The following GREB1 variants were observed in gnomAD, a reference collection of about 807,000 sequenced individuals.
GREB1 encodes the protein growth regulating estrogen receptor binding 1, also known as protein GREB1.
A neutral mutation model predicts 200.7 loss-of-function variants in GREB1; 106 were observed. The ratio of observed to expected loss-of-function variants is 0.53; its 90% confidence interval spans 0.45 to 0.62. GREB1 has a LOEUF of 0.62. GREB1 is among the 20% of genes least tolerant of loss of function. GREB1 has a pLI of 0.00. For synonymous variants in GREB1, 1,132 were observed against 1,092.4 expected (o/e 1.04, Z -0.72); for missense variants, 2,243 against 2,556.8 (o/e 0.88, Z 2.65).
chr2:11,519,524 C>T (rs1445780335), intron 1 of GREB1, among the ~76,000 whole-genome samples: 2 of 132,530 alleles, frequency 1.5e-5, no homozygotes, highest in East Asian at 2.4e-4. Context: ...GGCACGATCT[C>T]GGCTCACTGC....
At position 11,632,125 on chromosome 2, in the gene GREB1, T is replaced by C; in HGVS notation, c.4816+12T>C. 6.3e-7 allele frequency: 1 copy of C among 1,588,458 alleles called. No individual in the cohort carries two copies. The highest frequency in any genetic ancestry group is 8.6e-7 in the Non-Finnish European group (1 of 1,156,742). ...CAGTGCTGGAGTTGGTGAGTGTCCTTTAACATCATCTACTCAGTCAAACTC... is the reference window on the plus strand; with the variant it reads ...CAGTGCTGGAGTTGGTGAGTGTCCTCTAACATCATCTACTCAGTCAAACTC... On this transcript the variant is annotated intron_variant, in intron 27 of 32. Transcript: ENST00000381486.
intron 1 of GREB1, among the ~76,000 whole-genome samples, chr2:11,482,910 G>GGCGGCGGGCGCTCAGGAGCGGGGCC (rs1558475615): frequency 1.3e-5 from 2 of 151,376 alleles, no homozygotes; most frequent in Non-Finnish European, 1.5e-5. Flanking sequence ...AGCCTCCGTC[G>GGCGGCGGGCGCTCAGGAGCGGGGCC]GCGGCGGGCG....
chr2:11,630,747 T>G (rs770139726), intron 26 of GREB1, among the ~76,000 whole-genome samples: 3 of 152,224 alleles, frequency 2.0e-5, no homozygotes, highest in Non-Finnish European at 2.9e-5. Flanking sequence ...TTCCTTTATC[T>G]TTTGAAGAGG....
At chr2:11,528,521 C>T (rs1572596005) in intron 1 of GREB1, among the ~76,000 whole-genome samples, 1 of 152,014 alleles carries the variant, frequency 6.6e-6, no homozygotes, top group African/African-American at 2.4e-5. Flanking sequence ...GATTGAGTCT[C>T]GCTATGTAGC....
intron 1 of GREB1, among the ~76,000 whole-genome samples, chr2:11,500,773 G>A (rs985564739): frequency 6.6e-6 from 1 of 152,200 alleles, no homozygotes. Flanking sequence ...GTTTTCATAA[G>A]CAAATAATGG....
intron 20 of GREB1, among the ~76,000 whole-genome samples, chr2:11,615,809 T>C (rs1348565043): frequency 6.6e-6 from 1 of 152,260 alleles, no homozygotes; most frequent in African/African-American, 2.4e-5. Flanking sequence ...TCGCAAGGCA[T>C]TGACTATAGT....
rs776878701 is a variant in GREB1, at chr2:11,618,826, G to A, written c.3951G>A (p.Val1317=). The change falls in exon 22 of 33, where the codon GTG becomes GTA. Residue 1317 remains valine, a synonymous_variant. Transcript: ENST00000381486. The part of the protein sequence containing the change: ...EQSLYYRQWT[V]PRPSHMDYGN... The stretch of plus-strand genomic sequence containing the variant: ...CCCTCTACTACCGGCAGTGGACGGT[G>A]CCCCGGCCCAGCCACATGGACTACG... 2 of 1,604,768 alleles carry A rather than the reference G, an allele frequency of 1.2e-6. No homozygotes were observed. Among genetic ancestry groups the A allele is most frequent in the Non-Finnish European group, 1.7e-6 (2 of 1,179,164 alleles).
In GREB1 at chr2:11,633,998, G is replaced by C. The variant is rs1351888671; in HGVS notation, c.4992-133G>C. 6 of 806,088 alleles carry C rather than the reference G, an allele frequency of 7.4e-6. No individual in the cohort carries two copies. The highest frequency in any genetic ancestry group is 1.3e-5 in the Non-Finnish European group (6 of 475,016). The allele number at this position is 806,088 out of a possible 1,614,324, so 49.9% of individuals were successfully genotyped here. On this transcript the variant is annotated intron_variant, in intron 28 of 32. Transcript: ENST00000381486. This position sits in a 1 kb window ranked among gnomAD's most constrained non-coding sequence, Gnocchi z 4.1. ...CGCCCAGCAGGGTGCCTGGCCCTGG[G>C]GGGACTGTGCGGGGCACCGGCCCGT...
chr2:11,503,983 T>C (rs1405780264), intron 1 of GREB1, among the ~76,000 whole-genome samples: 1 of 152,200 alleles, frequency 6.6e-6, no homozygotes, highest in Non-Finnish European at 1.5e-5. Context: ...GTTTAAGTTA[T>C]AAATTAGGCT....
At chr2:11,612,000 C>A (rs540411279) in intron 18 of GREB1, among the ~76,000 whole-genome samples, 1 of 152,130 alleles carries the variant, frequency 6.6e-6, no homozygotes, top group South Asian at 2.1e-4. Flanking sequence ...TCGAGATAAG[C>A]CTGGCCAGCA....
At chr2:11,539,718 A>T (rs1674581865) in intron 1 of GREB1, 1 of 152,116 alleles carries the variant, frequency 6.6e-6, no homozygotes, top group Admixed American at 6.5e-5. Context: ...CTAAGAAGAC[A>T]CGAAACGGTG....
In GREB1 at chr2:11,598,865, G is replaced by C. The variant is rs1572872329; in HGVS notation, c.2333+5G>C. 1.2e-6 allele frequency: 2 copies of C among 1,610,384 alleles called. No homozygotes were observed. Among genetic ancestry groups the C allele is most frequent in the South Asian group, 2.2e-5 (2 of 90,906 alleles). On this transcript the variant is annotated splice_donor_5th_base_variant and intron_variant, in intron 15 of 32. Transcript: ENST00000381486. ...TGCGCACTGGGATCTTGTGAGGTTAGATTGACTTGATATATGACAAGTTGA... is the reference window on the plus strand; with the variant it reads ...TGCGCACTGGGATCTTGTGAGGTTACATTGACTTGATATATGACAAGTTGA...
At chr2:11,555,801 TGATA>T (rs1198882622) in intron 1 of GREB1, among the ~76,000 whole-genome samples, 2 of 152,136 alleles carry the variant, frequency 1.3e-5, no homozygotes, top group Non-Finnish European at 1.5e-5. Context: ...ATTGATCGTA[TGATA>T]GTTACACGAC....
chr2:11,632,499 C>T (rs1037638989), intron 27 of GREB1, among the ~76,000 whole-genome samples: 7 of 152,136 alleles, frequency 4.6e-5, no homozygotes, highest in Non-Finnish European at 8.8e-5. Flanking sequence ...CCATGACGCC[C>T]GGCTAATTTT....
intron 1 of GREB1, among the ~76,000 whole-genome samples, chr2:11,539,115 C>T (rs183902494): frequency 2.0e-5 from 3 of 150,190 alleles, no homozygotes; most frequent in South Asian, 2.1e-4. Context: ...TGCAGTGGTG[C>T]GATCACAGCT....
Position 11,640,194 on chromosome 2 carries a change from CGCCCTGTCTTGTCATT to C in GREB1, c.5687-94_5687-79del. 1 of 1,195,146 alleles carries C rather than the reference CGCCCTGTCTTGTCATT, an allele frequency of 8.4e-7. No homozygotes were observed. The highest frequency in any genetic ancestry group is 1.2e-6 in the Non-Finnish European group (1 of 853,932). 74.0% of individuals were successfully genotyped at this position (1,195,146 alleles called of 1,614,324 possible). A position where few individuals can be genotyped will look rare whatever the true frequency, so the allele number is the denominator to read the frequency against. On this transcript the variant is annotated intron_variant, in intron 32 of 32. Transcript: ENST00000381486. The surrounding 1 kb of genome is among the most constrained non-coding windows in gnomAD (Gnocchi z 4.6). ...ATGCCGCTTCTGCCCTTCCCAACAG[CGCCCTGTCTTGTCATT>C]GCAAGTAGAATCCGGGCAGCCGCTT...
At chr2:11,584,641 A>C (rs1478240689) in intron 7 of GREB1, 1 of 152,404 alleles carries the variant, frequency 6.6e-6, no homozygotes, top group Non-Finnish European at 1.5e-5. Context: ...AGCACTCTAC[A>C]TACATTCTCT....
At chr2:11,556,888 A>C in intron 2 of GREB1, 117 bp downstream of exon 2, 5 of 751,450 alleles carry the variant, frequency 6.7e-6, no homozygotes, top group Non-Finnish European at 9.7e-6. Context: ...AGCAGAAAAG[A>C]ATTATTAGAA....
chr2:11,635,174 C>G, intron 29 of GREB1, 96 bp from the exon 30 acceptor site: 1 of 1,446,354 alleles, frequency 6.9e-7, no homozygotes, highest in South Asian at 1.2e-5. Flanking sequence ...CTTCATAGCC[C>G]CCTACGATGG....
Sources: allele counts gnomAD v4.1 joint callset (sites outside exome capture counted in the v4.1 genomes callset), GRCh38; gene constraint gnomAD v4.1.1; non-coding constraint Gnocchi (gnomAD v3.1); transcripts MANE v1.5; gene names NCBI Gene and HGNC (gene_info 2026-07-23, HGNC 2026-07-21).